Variants in CHST11 observed in about 807,000 individuals in gnomAD.
CHST11 encodes carbohydrate sulfotransferase 11.
Under a neutral mutation model 30.4 loss-of-function variants are expected in CHST11, and 9 were observed. The observed-to-expected ratio is 0.30, with a 90% CI of 0.18 to 0.52. CHST11 has a LOEUF of 0.52. Ranked by LOEUF, CHST11 falls within the 20% of genes least tolerant of loss-of-function variation. CHST11 has a pLI of 0.97. For synonymous variants in CHST11, 152 were observed against 187.8 expected (o/e 0.81, Z 1.56); for missense variants, 348 against 460.6 (o/e 0.76, Z 2.24).
intron 1 of CHST11, among the ~76,000 whole-genome samples, chr12:104,585,201 A>G (rs2038791221): frequency 6.6e-6 from 1 of 152,180 alleles, no homozygotes; most frequent in South Asian, 2.1e-4. Flanking sequence ...AGATGCTCAC[A>G]GTACTTGTTC....
chr12:104,739,907 C>T (rs762106262), intron 2 of CHST11, among the ~76,000 whole-genome samples: 6 of 152,238 alleles, frequency 3.9e-5, no homozygotes, highest in Non-Finnish European at 7.3e-5. Flanking sequence ...AGAGTCTGAT[C>T]TCCAGCCTGT....
At chr12:104,594,630 C>T (rs556375276) in intron 1 of CHST11, among the ~76,000 whole-genome samples, 3 of 152,150 alleles carry the variant, frequency 2.0e-5, no homozygotes, top group Non-Finnish European at 4.4e-5. Flanking sequence ...TTAAACAATG[C>T]ACTTGGGTTC....
At chr12:104,531,691 C>T (rs77440637) in intron 1 of CHST11, among the ~76,000 whole-genome samples, 11,443 of 152,116 alleles carry the variant, frequency 0.075, 505 homozygotes, top group Middle Eastern at 0.11. Context: ...CCATAGTATC[C>T]CTTGCTAGGA....
intron 2 of CHST11, among the ~76,000 whole-genome samples, chr12:104,698,540 A>T (rs949346947): frequency 7.9e-5 from 12 of 152,120 alleles, no homozygotes; most frequent in Admixed American, 7.9e-4. Context: ...GTTCTCACCC[A>T]TCTCTGTAGT....
chr12:104,748,748 C>T (rs748467773), intron 2 of CHST11, among the ~76,000 whole-genome samples: 1 of 152,180 alleles, frequency 6.6e-6, no homozygotes, highest in Non-Finnish European at 1.5e-5. Flanking sequence ...GTTTAAGCCA[C>T]CTGGTCTGTG....
chr12:104,461,369 G>A (rs1377537768), intron 1 of CHST11, among the ~76,000 whole-genome samples: 1 of 152,172 alleles, frequency 6.6e-6, no homozygotes, highest in Non-Finnish European at 1.5e-5. Context: ...CCATATACCT[G>A]TGATTTCTAC....
At chr12:104,685,147 T>C (rs2039835107) in intron 2 of CHST11, among the ~76,000 whole-genome samples, 1 of 152,340 alleles carries the variant, frequency 6.6e-6, no homozygotes, top group South Asian at 2.1e-4. Flanking sequence ...AGCATTAATT[T>C]ATGCTGAAGT....
In CHST11 at chr12:104,761,292, T is replaced by C. The variant is rs2040522723; in HGVS notation, c.*3489T>C. On this transcript the variant is annotated 3_prime_UTR_variant, in exon 3 of 3. Transcript: ENST00000303694. ...GAAACTTCAGTTGCACTGGTTCTCC[T>C]GGTGGCAAAGGCATGAAGCACAGGG... 6.6e-6 allele frequency: 1 copy of C among 152,252 alleles called. No individual in the cohort carries two copies. Among genetic ancestry groups the C allele is most frequent in the Non-Finnish European group, 1.5e-5 (1 of 68,090 alleles). The allele number at this position is 152,252 out of a possible 1,614,324, so 9.4% of individuals were successfully genotyped here.
intron 1 of CHST11, among the ~76,000 whole-genome samples, chr12:104,572,209 C>G (rs952431156): frequency 2.0e-5 from 3 of 151,486 alleles, no homozygotes; most frequent in African/African-American, 7.3e-5. Context: ...GCTTTGGTAT[C>G]AGGATGATGC....
In CHST11 at chr12:104,696,482, C is replaced by CAAAAAAAAAAAAAA. The variant is rs10602668; in HGVS notation, c.205-60455_205-60442dup. Among the ~76,000 whole-genome samples the CAAAAAAAAAAAAAA allele has an allele frequency of 1.9e-4, 13 of 69,114 alleles. 1 individual carries two copies. The highest frequency in any genetic ancestry group is 2.0e-4 in the Non-Finnish European group (8 of 40,086). 45.3% of individuals were successfully genotyped at this position (69,114 alleles called of 152,430 possible). ...TGAAACCCCGACTCTGCTAAAAATA[C>CAAAAAAAAAAAAAA]AAAAAAAAAAAAAAAAAAAAAAAAA... On this transcript the variant is annotated intron_variant, in intron 2 of 2. Coordinates refer to ENST00000303694, the MANE Select transcript of CHST11 (RefSeq NM_018413.6).
intron 1 of CHST11, among the ~76,000 whole-genome samples, chr12:104,583,386 T>A (rs903486237): frequency 4.6e-5 from 7 of 152,128 alleles, no homozygotes; most frequent in African/African-American, 1.7e-4. Context: ...CATCTTGGAT[T>A]CACAAGAAGG....
intron 1 of CHST11, among the ~76,000 whole-genome samples, chr12:104,525,832 G>C (rs1316295712): frequency 6.6e-6 from 1 of 150,886 alleles, no homozygotes; most frequent in Non-Finnish European, 1.5e-5. Context: ...GAAATCGTAA[G>C]GTTTCTCACA....
At chr12:104,728,727 T>C (rs981311218) in intron 2 of CHST11, among the ~76,000 whole-genome samples, 2 of 152,112 alleles carry the variant, frequency 1.3e-5, no homozygotes, top group Non-Finnish European at 2.9e-5. Context: ...GAAGGCTTGC[T>C]CCCACCCTAC....
At chr12:104,650,332 CT>C (rs1023791998) in intron 2 of CHST11, among the ~76,000 whole-genome samples, 2 of 152,124 alleles carry the variant, frequency 1.3e-5, no homozygotes, top group African/African-American at 4.8e-5. Context: ...TTGTGTCAGC[CT>C]CTCCTTGAGC....
At chr12:104,555,226 C>A (rs2136012353) in intron 1 of CHST11, among the ~76,000 whole-genome samples, 1 of 152,202 alleles carries the variant, frequency 6.6e-6, no homozygotes, top group East Asian at 1.9e-4. Flanking sequence ...AGAAAGGGCA[C>A]CATGTCAGAG....
At chr12:104,692,341 A>G (rs1270476069) in intron 2 of CHST11, among the ~76,000 whole-genome samples, 1 of 152,180 alleles carries the variant, frequency 6.6e-6, no homozygotes, top group East Asian at 1.9e-4. Context: ...CCTTCAAGAC[A>G]TTGCATTAGG....
chr12:104,671,260 C>G (rs1047118650), intron 2 of CHST11, among the ~76,000 whole-genome samples: 5 of 152,156 alleles, frequency 3.3e-5, no homozygotes, highest in African/African-American at 9.7e-5. Flanking sequence ...CGCCCGTGAT[C>G]CTAAGCATGG....
chr12:104,671,859 C>T (rs1019306968), intron 2 of CHST11, among the ~76,000 whole-genome samples: 8 of 152,194 alleles, frequency 5.3e-5, no homozygotes, highest in South Asian at 4.1e-4. Flanking sequence ...ACCTTGTAGG[C>T]GTGTGGCATT....
chr12:104,503,571 C>A (rs559690473), intron 1 of CHST11, among the ~76,000 whole-genome samples: 2 of 152,224 alleles, frequency 1.3e-5, no homozygotes, highest in African/African-American at 4.8e-5. Context: ...CAATAAGAGT[C>A]TTTCCATTCT....
Sources: allele counts gnomAD v4.1 joint callset (sites outside exome capture counted in the v4.1 genomes callset), GRCh38; gene constraint gnomAD v4.1.1; transcripts MANE v1.5; gene names NCBI Gene and HGNC (gene_info 2026-07-23, HGNC 2026-07-21).